The following TOLLIP variants were observed in gnomAD, a reference collection of about 807,000 sequenced individuals.
TOLLIP encodes toll interacting protein.
In TOLLIP, 16 loss-of-function variants were observed where a neutral mutation model predicts 33.5. That is an observed-to-expected ratio of 0.48 (90% CI 0.32 to 0.72). The LOEUF is 0.72. Among genes scored for constraint, TOLLIP ranks in the 30% least tolerant of loss-of-function variants. The pLI is 0.03. For missense variants in TOLLIP, 325 were observed against 396.6 expected (o/e 0.82, Z 1.53); for synonymous variants, 176 against 163.7 (o/e 1.07, Z -0.57).
intron 4 of TOLLIP, among the ~76,000 whole-genome samples, chr11:1,287,359 A>G: frequency 6.6e-6 from 1 of 151,272 alleles, no homozygotes; most frequent in Non-Finnish European, 1.5e-5. Flanking sequence ...GGGTGGGAGG[A>G]GCCAAGATGG....
chr11:1,287,148 C>G (rs748276802), intron 4 of TOLLIP, among the ~76,000 whole-genome samples: 2 of 152,164 alleles, frequency 1.3e-5, no homozygotes, highest in Admixed American at 6.5e-5. Context: ...CTTCTGAGTT[C>G]GAAACTGTCA....
rs1263879550 is a variant in TOLLIP, at chr11:1,287,871, G to GCCTCCCTGCTGCAC, written c.519+739_519+752dup. On this transcript the variant is annotated intron_variant, in intron 4 of 5. Coordinates refer to ENST00000317204, the MANE Select transcript of TOLLIP (RefSeq NM_019009.4). ...TCCCTGCCGCACCCTCTCTGCTGCA[G>GCCTCCCTGCTGCAC]CCTCCCTGCTGCACCCTCCCTGCTG... Among the ~76,000 whole-genome samples, 12 of 27,428 alleles carry GCCTCCCTGCTGCAC rather than the reference G, an allele frequency of 4.4e-4. 2 individuals are homozygous for GCCTCCCTGCTGCAC. In the South Asian group the frequency reaches 5.7e-3, roughly 13 times the overall value. The allele number at this position is 27,428 out of a possible 152,430, so 18.0% of individuals were successfully genotyped here.
chr11:1,293,053 G>T (rs765279626), intron 2 of TOLLIP, among the ~76,000 whole-genome samples: 6 of 152,236 alleles, frequency 3.9e-5, no homozygotes, highest in Admixed American at 1.3e-4. Flanking sequence ...GGCAGTGGGT[G>T]GGTGCGGGGG....
chr11:1,284,940 C>T (rs754655632), intron 5 of TOLLIP, among the ~76,000 whole-genome samples: 49 of 152,226 alleles, frequency 3.2e-4, no homozygotes, highest in Non-Finnish European at 6.3e-4. Flanking sequence ...GGCGAGGTCC[C>T]GACTCCCAAG....
At chr11:1,299,299 C>T (rs993372220) in intron 1 of TOLLIP, among the ~76,000 whole-genome samples, 2 of 152,218 alleles carry the variant, frequency 1.3e-5, no homozygotes, top group South Asian at 4.1e-4. Context: ...CCTGCTGCCC[C>T]GCCTACCAGG....
At chr11:1,289,810 T>A (rs1863874555) in intron 3 of TOLLIP, among the ~76,000 whole-genome samples, 1 of 138,912 alleles carries the variant, frequency 7.2e-6, no homozygotes, top group South Asian at 2.3e-4. Flanking sequence ...GCCAGACGAG[T>A]GCCCAGTGGC....
At chr11:1,304,664 T>C (rs1864377307) in intron 1 of TOLLIP, among the ~76,000 whole-genome samples, 1 of 152,242 alleles carries the variant, frequency 6.6e-6, no homozygotes, top group African/African-American at 2.4e-5. Flanking sequence ...GACTCCCTCA[T>C]GGCAGAAGCT....
chr11:1,304,830 A>C (rs1207979730), intron 1 of TOLLIP, among the ~76,000 whole-genome samples: 1 of 152,244 alleles, frequency 6.6e-6, no homozygotes, highest in African/African-American at 2.4e-5. Context: ...GACAAATAAA[A>C]GCACCAAAGA....
rs146674626 is a variant in TOLLIP, at chr11:1,293,958, T to C, written c.183+1687A>G. On this transcript the variant is annotated intron_variant, in intron 2 of 5. Transcript: ENST00000317204. ...ACACGCCGCGAGGAAGGGGTGACGGTGTAGCTGTGCTCACCACACCATGAA... is the reference window on the plus strand; with the variant it reads ...ACACGCCGCGAGGAAGGGGTGACGGCGTAGCTGTGCTCACCACACCATGAA... Among the ~76,000 whole-genome samples, 332 of 152,382 alleles carry C rather than the reference T, an allele frequency of 2.2e-3. 5 individuals are homozygous for C. Among genetic ancestry groups the C allele is most frequent in the African/African-American group, 7.6e-3 (314 of 41,584 alleles).
At chr11:1,307,937 C>T (rs1192444995) in intron 1 of TOLLIP, among the ~76,000 whole-genome samples, 1 of 152,200 alleles carries the variant, frequency 6.6e-6, no homozygotes, top group Admixed American at 6.5e-5. Context: ...TCGGGAGAAA[C>T]ACCAGGACTT....
At chr11:1,285,704 A>G (rs1224313898) in intron 5 of TOLLIP, among the ~76,000 whole-genome samples, 3 of 151,952 alleles carry the variant, frequency 2.0e-5, no homozygotes, top group Non-Finnish European at 4.4e-5. Context: ...GCTGGGCACA[A>G]CGGGGTTTCA....
chr11:1,299,284 C>T (rs760671756), intron 1 of TOLLIP, among the ~76,000 whole-genome samples: 6 of 152,230 alleles, frequency 3.9e-5, no homozygotes, highest in Non-Finnish European at 2.9e-5. Context: ...ATACTGGTTA[C>T]GCAACCTGCT....
chr11:1,307,183 C>G (rs1864442232), intron 1 of TOLLIP, among the ~76,000 whole-genome samples: 1 of 152,186 alleles, frequency 6.6e-6, no homozygotes, highest in South Asian at 2.1e-4. Context: ...CACCTGAGAC[C>G]CCCGTCGCTG....
Position 1,277,117 on chromosome 11 carries a change from G to T in TOLLIP, c.747C>A (p.Ile249=), listed in dbSNP as rs375043112. The part of the protein sequence containing the change: ...DMFPNMDQEV[I]RSVLEAQRGN... ...CTCGCTGGGCTTCCAGCACGGAGCG[G>T]ATCACCTCCTGGTCCATGTTGGGGA... The change falls in exon 6 of 6, where the codon ATC becomes ATA. Residue 249 remains isoleucine (I), a synonymous_variant. Transcript: ENST00000317204. This position sits in a 1 kb window ranked among gnomAD's most constrained non-coding sequence, Gnocchi z 4.2. 65 of 1,614,010 alleles carry T rather than the reference G, an allele frequency of 4.0e-5. No homozygotes were observed. The Admixed American group carries it at 5.7e-4, about 14-fold the overall frequency.
intron 5 of TOLLIP, among the ~76,000 whole-genome samples, chr11:1,280,476 A>T (rs1314831692): frequency 6.6e-6 from 1 of 152,146 alleles, no homozygotes; most frequent in Non-Finnish European, 1.5e-5. Flanking sequence ...GACGCAGGCC[A>T]GGATGACGGG....
In TOLLIP at chr11:1,299,422, G is replaced by GT. The variant is rs796577306; in HGVS notation, c.34-3629dup. On this transcript the variant is annotated intron_variant, in intron 1 of 5. Transcript: ENST00000317204. ...TGCTTCACGAGTCACAGGGGAGAGA[G>GT]TCCAGGTGCTGAAGTAAACCCTATC... Among the ~76,000 whole-genome samples, 146 of 152,330 alleles carry GT rather than the reference G, an allele frequency of 9.6e-4. 2 individuals are homozygous for GT. The highest frequency in any genetic ancestry group is 3.3e-3 in the African/African-American group (138 of 41,572).
intron 5 of TOLLIP, among the ~76,000 whole-genome samples, chr11:1,285,288 G>A (rs945061404): frequency 1.3e-5 from 2 of 152,226 alleles, no homozygotes; most frequent in African/African-American, 4.8e-5. Flanking sequence ...AACGAGAGAG[G>A]CCACCTCAGC....
At chr11:1,296,206 T>C (rs750825110) in intron 1 of TOLLIP, among the ~76,000 whole-genome samples, 9 of 152,268 alleles carry the variant, frequency 5.9e-5, no homozygotes, top group Non-Finnish European at 1.2e-4. Context: ...AGACAAAAGC[T>C]GAGCCTCAGG....
intron 1 of TOLLIP, among the ~76,000 whole-genome samples, chr11:1,299,793 G>A (rs1054970859): frequency 6.6e-6 from 1 of 152,252 alleles, no homozygotes; most frequent in Non-Finnish European, 1.5e-5. Context: ...AGCACAGGAT[G>A]CCTGAGGCTG....
Sources: allele counts gnomAD v4.1 joint callset (sites outside exome capture counted in the v4.1 genomes callset), GRCh38; gene constraint gnomAD v4.1.1; non-coding constraint Gnocchi (gnomAD v3.1); transcripts MANE v1.5; gene names NCBI Gene and HGNC (gene_info 2026-07-23, HGNC 2026-07-21).